SPMIP2: variants seen among roughly 807,000 people sequenced by gnomAD.
SPMIP2 encodes protein SPMIP2.
the SPMIP2 span, among the ~76,000 whole-genome samples, chr4:159,019,968 A>G: frequency 6.6e-6 from 1 of 152,172 alleles, no homozygotes; most frequent in East Asian, 1.9e-4. Context: ...TTAAAACTAC[A>G]AAAATTGCTG....
At chr4:158,971,469 A>C in the SPMIP2 span, among the ~76,000 whole-genome samples, 1 of 152,218 alleles carries the variant, frequency 6.6e-6, no homozygotes, top group African/African-American at 2.4e-5. Flanking sequence ...GCTTATCATC[A>C]GTGCCTTTTC....
chr4:158,983,035 G>C, the SPMIP2 span, among the ~76,000 whole-genome samples: 1 of 152,184 alleles, frequency 6.6e-6, no homozygotes, highest in African/African-American at 2.4e-5. Context: ...AGGAGCCGAT[G>C]CGATCAACTG....
the SPMIP2 span, among the ~76,000 whole-genome samples, chr4:159,001,679 CTCTT>C: frequency 6.6e-6 from 1 of 152,172 alleles, no homozygotes; most frequent in African/African-American, 2.4e-5. Flanking sequence ...CAGGATCTCA[CTCTT>C]TCTTATGGCT....
the SPMIP2 span, among the ~76,000 whole-genome samples, chr4:158,955,114 T>A: frequency 5.3e-5 from 8 of 152,262 alleles, no homozygotes; most frequent in African/African-American, 1.7e-4. Context: ...TATACATTTT[T>A]AAAAAATCAA....
the SPMIP2 span, among the ~76,000 whole-genome samples, chr4:158,999,160 G>T: frequency 1.6e-5 from 2 of 126,686 alleles, no homozygotes. Context: ...GACAGAGTGA[G>T]ACCCTGCCTC....
the SPMIP2 span, chr4:158,896,013 A>G: frequency 1.6e-6 from 1 of 610,234 alleles, no homozygotes; most frequent in African/African-American, 1.8e-5. Context: ...TGCCTCTGCA[A>G]CTCCCCAATG....
the SPMIP2 span, among the ~76,000 whole-genome samples, chr4:158,920,187 G>A: frequency 6.1e-3 from 926 of 152,266 alleles, 11 homozygotes; most frequent in African/African-American, 0.021. Flanking sequence ...ATCTTCATAA[G>A]CTGAGGATGT....
At chr4:158,978,062 A>G in the SPMIP2 span, among the ~76,000 whole-genome samples, 4 of 152,302 alleles carry the variant, frequency 2.6e-5, no homozygotes, top group East Asian at 3.9e-4. Flanking sequence ...ATTTACTGCT[A>G]TAAGTTTCCC....
the SPMIP2 span, among the ~76,000 whole-genome samples, chr4:159,001,963 G>A: frequency 1.3e-5 from 2 of 152,182 alleles, no homozygotes; most frequent in Non-Finnish European, 2.9e-5. Flanking sequence ...ACTCCAACAA[G>A]TGTTCCCTTT....
chr4:158,915,794 T>C, the SPMIP2 span, among the ~76,000 whole-genome samples: 2 of 152,224 alleles, frequency 1.3e-5, no homozygotes, highest in African/African-American at 4.8e-5. Flanking sequence ...GACTGCATTT[T>C]AGAGGAAAGA....
chr4:158,986,952 C>A, the SPMIP2 span, among the ~76,000 whole-genome samples: 1 of 141,336 alleles, frequency 7.1e-6, no homozygotes, highest in Non-Finnish European at 1.5e-5. Context: ...ACAAACAACC[C>A]CATCAAAAAG....
the SPMIP2 span, among the ~76,000 whole-genome samples, chr4:159,027,964 T>C: frequency 0.44 from 67,136 of 151,996 alleles, 15,071 homozygotes; most frequent in African/African-American, 0.47. Context: ...TAGAGTTCTG[T>C]AATATTTCTG....
chr4:158,941,710 G>A, the SPMIP2 span, among the ~76,000 whole-genome samples: 1 of 152,118 alleles, frequency 6.6e-6, no homozygotes, highest in African/African-American at 2.4e-5. Context: ...AAATCTCTTG[G>A]AATAACTCTA....
the SPMIP2 span, among the ~76,000 whole-genome samples, chr4:158,920,640 G>C: frequency 6.6e-6 from 1 of 151,982 alleles, no homozygotes; most frequent in African/African-American, 2.4e-5. Flanking sequence ...TGGTCAAACC[G>C]GTTCTCTGCT....
the SPMIP2 span, among the ~76,000 whole-genome samples, chr4:158,959,532 C>T: frequency 6.6e-6 from 1 of 151,982 alleles, no homozygotes; most frequent in African/African-American, 2.4e-5. Flanking sequence ...AGTATAGCCA[C>T]CTCAGGGCTA....
At chr4:158,936,779 T>C in the SPMIP2 span, among the ~76,000 whole-genome samples, 1 of 152,222 alleles carries the variant, frequency 6.6e-6, no homozygotes, top group Non-Finnish European at 1.5e-5. Flanking sequence ...TAAAGATGTA[T>C]TTAATCATAT....
At chr4:159,076,601 C>T in the SPMIP2 span, among the ~76,000 whole-genome samples, 566 of 152,270 alleles carry the variant, frequency 3.7e-3, 3 homozygotes, top group Non-Finnish European at 5.4e-3. Context: ...TCCTGATGTC[C>T]ATTTTTTAAT....
At chr4:158,971,973 T>C in the SPMIP2 span, among the ~76,000 whole-genome samples, 1 of 152,166 alleles carries the variant, frequency 6.6e-6, no homozygotes, top group African/African-American at 2.4e-5. Flanking sequence ...GTGAACTGAT[T>C]TGCCCAAGGT....
the SPMIP2 span, among the ~76,000 whole-genome samples, chr4:159,001,966 T>C: frequency 6.6e-6 from 1 of 152,236 alleles, no homozygotes; most frequent in Non-Finnish European, 1.5e-5. Context: ...CCAACAAGTG[T>C]TCCCTTTGCT....
Sources: allele counts gnomAD v4.1 joint callset (sites outside exome capture counted in the v4.1 genomes callset), GRCh38; gene constraint gnomAD v4.1.1; transcripts MANE v1.5; gene names NCBI Gene and HGNC (gene_info 2026-07-23, HGNC 2026-07-21).